The following IHH variants were observed in gnomAD, a reference collection of about 807,000 sequenced individuals.
The protein encoded by IHH is Indian hedgehog signaling molecule, also known as indian hedgehog protein.
IHH carries 9 observed loss-of-function variants against 29.4 expected under a neutral mutation model. That is an observed-to-expected ratio of 0.31 (90% CI 0.18 to 0.53). The LOEUF is 0.53. Ranked by LOEUF, IHH falls within the 20% of genes least tolerant of loss-of-function variation. The probability of loss-of-function intolerance (pLI) is 0.95; values close to 1 mark genes in which losing one functional copy is unlikely to be tolerated. For missense variants in IHH, 454 were observed against 578.1 expected, an observed-to-expected ratio of 0.79 and a Z score of 2.20; for synonymous variants, 254 against 252.7, an observed-to-expected ratio of 1.01 and a Z score of -0.05.
In IHH at chr2:219,054,480, A is replaced by G. The variant is rs1948812424; in HGVS notation, c.*727T>C. On this transcript the variant is annotated 3_prime_UTR_variant, in exon 3 of 3. Transcript: ENST00000295731. ...GGAAGAAAAGACCAAAACATCCCCA[A>G]AATTCTCCCATGGGCTTCCCCCTCC... 6.6e-6 allele frequency: 1 copy of G among 152,552 alleles called. No individual in the cohort carries two copies. Among genetic ancestry groups the G allele is most frequent in the South Asian group, 2.1e-4 (1 of 4,828 alleles). 9.4% of individuals were successfully genotyped at this position (152,552 alleles called of 1,614,324 possible).
chr2:219,056,297 A>G (rs960586485), intron 2 of IHH, among the ~76,000 whole-genome samples: 2 of 152,144 alleles, frequency 1.3e-5, no homozygotes, highest in African/African-American at 2.4e-5. Flanking sequence ...CTTTGAATGT[A>G]GGGATGTGAG....
chr2:219,057,683 G>C lies in IHH; in HGVS notation c.327C>G (p.Asp109Glu). The change falls in exon 2 of 3, where the codon GAC becomes GAG. Residue 109 changes from aspartate to glutamate, a missense_variant. Asp to Glu is a conservative substitution (Grantham distance 45). Transcript: ENST00000295731. ...ADRLMTQRCK[D>E]RLNSLAISVM... The stretch of plus-strand genomic sequence containing the variant: ...CCGAGATAGCCAGCGAGTTCAGGCG[G>C]TCCTTGCAGCGCTGGGAGAGGAATG... The C allele has an allele frequency of 2.5e-6, 4 of 1,607,770 alleles. No homozygotes were observed. Among genetic ancestry groups the C allele is most frequent in the Non-Finnish European group, 1.7e-6 (2 of 1,179,996 alleles).
chr2:219,057,807 G>A, intron 1 of IHH, 113 bp from the exon 2 acceptor site: 2 of 1,443,494 alleles, frequency 1.4e-6, no homozygotes, highest in African/African-American at 1.4e-5. Context: ...ACCCAAGGGA[G>A]CTGGAAGCCC....
In IHH at chr2:219,055,807, C is replaced by A. The variant is rs760330733; in HGVS notation, c.636G>T (p.Leu212=). 1.9e-6 allele frequency: 3 copies of A among 1,612,798 alleles called. No individual in the cohort carries two copies. Reference sequence around the variant, plus strand: ...ACAAGGCCACACGCGCCCCACTCTCCAGGCGTACCTGGGCTCCGGCAGGGA... The same window carrying A: ...ACAAGGCCACACGCGCCCCACTCTCAAGGCGTACCTGGGCTCCGGCAGGGA... The part of the protein sequence containing the change: ...GCFPAGAQVR[L]ESGARVALSA... Residue 212 remains leucine, a synonymous_variant, in exon 3 of 3, where the codon CTG becomes CTT. Transcript: ENST00000295731.
In IHH at chr2:219,059,694, G is replaced by A. The variant is rs1412445895; in HGVS notation, c.315+459C>T. ...GCCCGTAGAACCAAGAGCGCACAGG[G>A]AGGAAAGGCCGTGGTGACCCTACGC... On this transcript the variant is annotated intron_variant, in intron 1 of 2. Coordinates refer to ENST00000295731, the MANE Select transcript of IHH (RefSeq NM_002181.4). The surrounding 1 kb of genome is among the most constrained non-coding windows in gnomAD (Gnocchi z 4.7). Among the ~76,000 whole-genome samples the A allele has an allele frequency of 6.6e-6, 1 of 152,228 alleles. No homozygotes were observed. The highest frequency in any genetic ancestry group is 1.5e-5 in the Non-Finnish European group (1 of 68,046).
Position 219,060,096 on chromosome 2 carries a change from G to A in IHH, c.315+57C>T, listed in dbSNP as rs1332702889. 4.1e-6 allele frequency: 6 copies of A among 1,468,198 alleles called. No individual in the cohort carries two copies. The highest frequency in any genetic ancestry group is 5.6e-6 in the Non-Finnish European group (6 of 1,065,236). The allele number at this position is 1,468,198 out of a possible 1,614,324, so 90.9% of individuals were successfully genotyped here. On this transcript the variant is annotated intron_variant, in intron 1 of 2. Coordinates refer to ENST00000295731, the MANE Select transcript of IHH (RefSeq NM_002181.4). This position sits in a 1 kb window ranked among gnomAD's most constrained non-coding sequence, Gnocchi z 8.8. ...GAAAATGTGCCAGGGGGTGGGTAGGGCCGGGCAGGTGGCCGTGCTTCGGTG... is the reference window on the plus strand; with the variant it reads ...GAAAATGTGCCAGGGGGTGGGTAGGACCGGGCAGGTGGCCGTGCTTCGGTG...
At position 219,060,031 on chromosome 2, in the gene IHH, G is replaced by C. The variant is rs1948866516; in HGVS notation, c.315+122C>G. 3 of 870,738 alleles carry C rather than the reference G, an allele frequency of 3.4e-6. No individual in the cohort carries two copies. The Admixed American group carries it at 7.2e-5, about 21-fold the overall frequency. The allele number at this position is 870,738 out of a possible 1,614,324, so 53.9% of individuals were successfully genotyped here. ...CTTGGGCAGGAGGCAGCGGGGCTTG[G>C]CGAGAGGGGCAGGTGCCAGGGAGCG... On this transcript the variant is annotated intron_variant, in intron 1 of 2. Coordinates refer to ENST00000295731, the MANE Select transcript of IHH (RefSeq NM_002181.4). This position sits in a 1 kb window ranked among gnomAD's most constrained non-coding sequence, Gnocchi z 8.8.
In IHH at chr2:219,055,304, C is replaced by A; in HGVS notation, c.1139G>T (p.Gly380Val). The change falls in exon 3 of 3, where the codon GGT becomes GTT. Residue 380 changes from glycine to valine, a missense_variant. Around this residue, in one of 3 missense-constraint regions of IHH, gnomAD observed 271 missense variants for 315.9 expected, o/e 0.86. Coordinates refer to ENST00000295731, the MANE Select transcript of IHH (RefSeq NM_002181.4). ...LAWGSWTPGE[G>V]VHWYPQLLYR... ...GAGCAGCTGGGGGTACCAATGCACA[C>A]CCTCCCCCGGAGTCCAGCTGCCCCA... 1.2e-6 allele frequency: 2 copies of A among 1,612,802 alleles called. No individual in the cohort carries two copies. The highest frequency in any genetic ancestry group is 1.7e-6 in the Non-Finnish European group (2 of 1,179,802).
chr2:219,056,850 G>A (rs1243473732), intron 2 of IHH, among the ~76,000 whole-genome samples: 2 of 152,302 alleles, frequency 1.3e-5, no homozygotes, highest in African/African-American at 2.4e-5. Flanking sequence ...TCAACAATGC[G>A]GCCAATCTGG....
Position 219,054,633 on chromosome 2 carries a change from C to G in IHH, c.*574G>C, listed in dbSNP as rs900707826. 1 of 153,484 alleles carries G rather than the reference C, an allele frequency of 6.5e-6. No individual in the cohort carries two copies. The highest frequency in any genetic ancestry group is 6.5e-5 in the Admixed American group (1 of 15,382). 9.5% of individuals were successfully genotyped at this position (153,484 alleles called of 1,614,324 possible). On this transcript the variant is annotated 3_prime_UTR_variant, in exon 3 of 3. Transcript: ENST00000295731. Reference sequence around the variant, plus strand: ...CCACCTCCCCCAGTCCCCGGCACTACGGTCACATTGGCCAGAACACAGAAC... The same window carrying G: ...CCACCTCCCCCAGTCCCCGGCACTAGGGTCACATTGGCCAGAACACAGAAC...
chr2:219,060,054 G>T lies in IHH; in HGVS notation c.315+99C>A. On this transcript the variant is annotated intron_variant, in intron 1 of 2. Coordinates refer to ENST00000295731, the MANE Select transcript of IHH (RefSeq NM_002181.4). The surrounding 1 kb of genome is among the most constrained non-coding windows in gnomAD (Gnocchi z 8.8). ...TGGCGAGAGGGGCAGGTGCCAGGGAGCGTGCCAGCCAGTCGAGAAAATGTG... is the reference window on the plus strand; with the variant it reads ...TGGCGAGAGGGGCAGGTGCCAGGGATCGTGCCAGCCAGTCGAGAAAATGTG... 1 of 1,064,414 alleles carries T rather than the reference G, an allele frequency of 9.4e-7. No homozygotes were observed. The highest frequency in any genetic ancestry group is 1.4e-6 in the Non-Finnish European group (1 of 724,594). 65.9% of individuals were successfully genotyped at this position (1,064,414 alleles called of 1,614,324 possible).
chr2:219,057,721 A>G (rs1948843460), intron 1 of IHH, 27 bp from the exon 2 acceptor site: 1 of 1,601,240 alleles, frequency 6.2e-7, no homozygotes, highest in Non-Finnish European at 8.5e-7. Context: ...CGCGAAATCA[A>G]CCAGAGCGAA....
intron 1 of IHH, among the ~76,000 whole-genome samples, chr2:219,058,155 C>G (rs987109685): frequency 1.3e-5 from 2 of 152,162 alleles, no homozygotes; most frequent in Admixed American, 1.3e-4. Context: ...GTGCAAGGCC[C>G]GAGGTGCCCA....
In IHH at chr2:219,055,626, G is replaced by T. The variant is rs756644181; in HGVS notation, c.817C>A (p.Pro273Thr). 3.7e-6 allele frequency: 6 copies of T among 1,614,066 alleles called. No homozygotes were observed. Among genetic ancestry groups the T allele is most frequent in the Non-Finnish European group, 5.1e-6 (6 of 1,179,984 alleles). ...TCAGCCGTAAAGAGCAGGTGAGCGG[G>T]TGTGAGTGCCAGGCGGCGTGGGGGG... Reference protein sequence around the residue: ...QDPPRRLALTPAHLLFTADNH... With the variant: ...QDPPRRLALTTAHLLFTADNH... Residue 273 changes from proline (P) to threonine (T), a missense_variant, in exon 3 of 3, where the codon CCC becomes ACC. Physicochemically the swap from Pro to Thr is conservative, Grantham distance 38 (BLOSUM62 -1). Coordinates refer to ENST00000295731, the MANE Select transcript of IHH (RefSeq NM_002181.4).
In IHH at chr2:219,060,593, A is replaced by G; in HGVS notation, c.-126T>C. ...CCGGGGGGCTCCAGGCGGGGGCGCC[A>G]TGGGCGGCGTGGTGCGGCCAGGGCC... On this transcript the variant is annotated 5_prime_UTR_variant, in exon 1 of 3. It removes an upstream start codon present in the reference 5' UTR. Coordinates refer to ENST00000295731, the MANE Select transcript of IHH (RefSeq NM_002181.4). This position sits in a 1 kb window ranked among gnomAD's most constrained non-coding sequence, Gnocchi z 8.8. The G allele has an allele frequency of 1.8e-6, 1 of 547,342 alleles. No individual in the cohort carries two copies. Among genetic ancestry groups the G allele is most frequent in the Non-Finnish European group, 2.8e-6 (1 of 359,364 alleles). 33.9% of individuals were successfully genotyped at this position (547,342 alleles called of 1,614,324 possible).
chr2:219,060,205 T>C lies in IHH; in HGVS notation c.263A>G (p.Asp88Gly). The C allele has an allele frequency of 1.9e-6, 3 of 1,613,174 alleles. No homozygotes were observed. The highest frequency in any genetic ancestry group is 2.5e-6 in the Non-Finnish European group (3 of 1,179,708). The change falls in exon 1 of 3, where the codon GAC becomes GGC. Residue 88 changes from aspartate (D) to glycine (G), a missense_variant. Coordinates refer to ENST00000295731, the MANE Select transcript of IHH (RefSeq NM_002181.4). The surrounding 1 kb of genome is among the most constrained non-coding windows in gnomAD (Gnocchi z 8.8). ...FKELTPNYNPDIIFKDEENTG... is the reference protein window; with the variant it reads ...FKELTPNYNPGIIFKDEENTG... ...GTTCTCCTCGTCCTTGAAGATGATG[T>C]CTGGATTGTAATTGGGGGTGAGCTC...
At chr2:219,057,361 T>C in intron 2 of IHH, 72 bp downstream of exon 2, 1 of 1,531,560 alleles carries the variant, frequency 6.5e-7, no homozygotes, top group Non-Finnish European at 8.8e-7. Context: ...GCTCTTCACC[T>C]TCTCGGCACT....
At chr2:219,055,975 G>A (rs992080127) in intron 2 of IHH, 110 bp from the exon 3 acceptor site, 29 of 1,214,150 alleles carry the variant, frequency 2.4e-5, no homozygotes, top group African/African-American at 3.0e-5. Context: ...TGCTCCCAGA[G>A]AGCCCCCGTC....
chr2:219,057,713 C>T lies in IHH; in HGVS notation c.316-19G>A, dbSNP rs772389571. Reference sequence around the variant, plus strand: ...TGCAGCGCTGGGAGAGGAATGTGCGCGAAATCAACCAGAGCGAAATCAGCC... The same window carrying T: ...TGCAGCGCTGGGAGAGGAATGTGCGTGAAATCAACCAGAGCGAAATCAGCC... On this transcript the variant is annotated intron_variant, in intron 1 of 2. Transcript: ENST00000295731. 2 of 1,602,542 alleles carry T rather than the reference C, an allele frequency of 1.2e-6. No individual in the cohort carries two copies. Among genetic ancestry groups the T allele is most frequent in the South Asian group, 2.2e-5 (2 of 91,074 alleles).
Sources: allele counts gnomAD v4.1 joint callset (sites outside exome capture counted in the v4.1 genomes callset), GRCh38; gene constraint gnomAD v4.1.1; regional missense constraint gnomAD v4.1.1; non-coding constraint Gnocchi (gnomAD v3.1); transcripts MANE v1.5; gene names NCBI Gene and HGNC (gene_info 2026-07-23, HGNC 2026-07-21).